Variants in ATP9B observed in about 807,000 individuals in gnomAD.
ATP9B encodes probable phospholipid-transporting ATPase IIB.
A neutral mutation model predicts 146.1 loss-of-function variants in ATP9B; 110 were observed. The observed-to-expected ratio is 0.75, with a 90% CI of 0.65 to 0.88. The LOEUF is 0.88. ATP9B is among the 40% of genes least tolerant of loss of function. ATP9B has a pLI of 0.00. For synonymous variants in ATP9B, 604 were observed against 569.7 expected (o/e 1.06, Z -0.86); for missense variants, 1,499 against 1,496.4 (o/e 1.00, Z -0.03).
intron 1 of ATP9B, among the ~76,000 whole-genome samples, chr18:79,072,726 G>A (rs2072032325): frequency 1.1e-5 from 1 of 87,090 alleles, no homozygotes; most frequent in Non-Finnish European, 2.5e-5. Flanking sequence ...AGACCAGGCG[G>A]CTGCTGGGCG....
At chr18:79,294,182 A>T (rs1281830664) in intron 13 of ATP9B, among the ~76,000 whole-genome samples, 2 of 152,248 alleles carry the variant, frequency 1.3e-5, no homozygotes, top group Non-Finnish European at 2.9e-5. Flanking sequence ...TTTGGAAAAC[A>T]TCTGTTGTCC....
chr18:79,142,188 A>C (rs1255168797), intron 5 of ATP9B, among the ~76,000 whole-genome samples: 1 of 152,226 alleles, frequency 6.6e-6, no homozygotes, highest in Non-Finnish European at 1.5e-5. Context: ...ATGTAATTGA[A>C]GGTAATTTCC....
At chr18:79,331,251 C>T (rs957394519) in intron 17 of ATP9B, among the ~76,000 whole-genome samples, 4 of 152,126 alleles carry the variant, frequency 2.6e-5, no homozygotes, top group African/African-American at 9.7e-5. Flanking sequence ...GTGTTCGCAA[C>T]GGTAGTGGCA....
At position 79,337,427 on chromosome 18, in the gene ATP9B, T is replaced by C; in HGVS notation, c.2261T>C (p.Met754Thr). ...GCAGACGTGCGGCCCACGCTGGAGA[T>C]GCTGCGCAACGCCGGGATCAAGGTA... is the stretch of plus-strand genomic sequence containing the variant. ...LQADVRPTLE[M>T]LRNAGIKIWM... Residue 754 changes from methionine to threonine, a missense_variant, in exon 19 of 30, where the codon ATG (methionine) becomes ACG (threonine). Transcript: ENST00000426216. The C allele has an allele frequency of 6.2e-7, 1 of 1,612,422 alleles. No individual in the cohort carries two copies. Among genetic ancestry groups the C allele is most frequent in the Non-Finnish European group, 8.5e-7 (1 of 1,179,878 alleles).
chr18:79,354,949 G>A (rs1019294486), intron 25 of ATP9B, among the ~76,000 whole-genome samples: 6 of 152,214 alleles, frequency 3.9e-5, no homozygotes, highest in African/African-American at 1.4e-4. Context: ...GAAGGGCTGT[G>A]CCCACCTCCC....
At chr18:79,279,232 C>A (rs998757233) in intron 13 of ATP9B, among the ~76,000 whole-genome samples, 3 of 152,098 alleles carry the variant, frequency 2.0e-5, no homozygotes, top group South Asian at 4.1e-4. Flanking sequence ...GCTGCTTTCC[C>A]AACGTGGAGA....
At chr18:79,214,119 C>T in intron 11 of ATP9B, 81 bp downstream of exon 11, 3 of 947,938 alleles carry the variant, frequency 3.2e-6, no homozygotes, top group Non-Finnish European at 4.5e-6. Flanking sequence ...CTGAATAGCT[C>T]ATTCTTTTGG....
At chr18:79,221,901 G>C (rs1286574823) in intron 11 of ATP9B, among the ~76,000 whole-genome samples, 1 of 104,394 alleles carries the variant, frequency 9.6e-6, no homozygotes, top group Non-Finnish European at 1.9e-5. Context: ...CTTTATTTTG[G>C]CCAATTTTGT....
intron 13 of ATP9B, among the ~76,000 whole-genome samples, chr18:79,288,497 C>T (rs539140143): frequency 4.6e-5 from 7 of 152,094 alleles, no homozygotes; most frequent in Admixed American, 4.6e-4. Context: ...TTATTTTGAG[C>T]CTATGTCTGT....
chr18:79,148,578 G>C (rs2094629747), intron 6 of ATP9B, among the ~76,000 whole-genome samples: 1 of 152,186 alleles, frequency 6.6e-6, no homozygotes, highest in African/African-American at 2.4e-5. Context: ...GGTTGGATTA[G>C]AGGGACAGTA....
chr18:79,177,146 T>G (rs1409550547), intron 8 of ATP9B, among the ~76,000 whole-genome samples: 1 of 152,188 alleles, frequency 6.6e-6, no homozygotes, highest in Non-Finnish European at 1.5e-5. Context: ...TTCTTTCTCC[T>G]TCTGCTCACC....
At chr18:79,233,626 G>A (rs2095812587) in intron 11 of ATP9B, among the ~76,000 whole-genome samples, 2 of 152,184 alleles carry the variant, frequency 1.3e-5, no homozygotes, top group Non-Finnish European at 2.9e-5. Flanking sequence ...GTGGGGCTTA[G>A]GTGTGTCGTT....
chr18:79,368,205 G>A (rs946235778), intron 26 of ATP9B, among the ~76,000 whole-genome samples: 1 of 152,214 alleles, frequency 6.6e-6, no homozygotes, highest in Non-Finnish European at 1.5e-5. Context: ...ATTAGAAAAC[G>A]GAGTCAGAGC....
chr18:79,303,019 GA>G (rs1489070685), intron 13 of ATP9B, among the ~76,000 whole-genome samples: 1 of 152,182 alleles, frequency 6.6e-6, no homozygotes, highest in Non-Finnish European at 1.5e-5. Flanking sequence ...CCAAATAACA[GA>G]TCTGAGCTGA....
At chr18:79,180,639 T>C (rs182866602) in intron 8 of ATP9B, among the ~76,000 whole-genome samples, 1,573 of 152,354 alleles carry the variant, frequency 0.01, 20 homozygotes, top group Non-Finnish European at 0.012. Flanking sequence ...TTACCTGTTC[T>C]GAGACTTCTC....
intron 11 of ATP9B, among the ~76,000 whole-genome samples, chr18:79,252,386 G>A (rs1209502231): frequency 2.0e-5 from 3 of 152,152 alleles, no homozygotes; most frequent in African/African-American, 4.8e-5. Context: ...TAGTTGCTGT[G>A]CTGTGTCACT....
At chr18:79,352,894 C>T in intron 25 of ATP9B, 1 of 152,220 alleles carries the variant, frequency 6.6e-6, no homozygotes, top group Non-Finnish European at 1.5e-5. Flanking sequence ...AGTAAAAAGG[C>T]AGACAAGAGT....
At chr18:79,205,671 G>A (rs1366181195) in intron 9 of ATP9B, among the ~76,000 whole-genome samples, 2 of 152,090 alleles carry the variant, frequency 1.3e-5, no homozygotes, top group African/African-American at 2.4e-5. Flanking sequence ...CTAGATGCAG[G>A]GCTGTGGATG....
At chr18:79,175,169 C>G (rs1479794538) in intron 7 of ATP9B, among the ~76,000 whole-genome samples, 5 of 148,676 alleles carry the variant, frequency 3.4e-5, no homozygotes, top group African/African-American at 1.2e-4. Context: ...CCACTGCACT[C>G]CAGCCTGGCG....
Sources: allele counts gnomAD v4.1 joint callset (sites outside exome capture counted in the v4.1 genomes callset), GRCh38; gene constraint gnomAD v4.1.1; transcripts MANE v1.5; gene names NCBI Gene and HGNC (gene_info 2026-07-23, HGNC 2026-07-21).